The following MUC5B variants were observed in gnomAD, a reference collection of about 807,000 sequenced individuals.
MUC5B encodes the protein mucin-5B.
MUC5B carries 116 observed loss-of-function variants against 376.9 expected under a neutral mutation model. The ratio of observed to expected loss-of-function variants is 0.31; its 90% CI spans 0.26 to 0.36. MUC5B has a LOEUF of 0.36. Ranked by LOEUF, MUC5B falls within the 10% of genes least tolerant of loss-of-function variation. The probability of loss-of-function intolerance (pLI) is 1.00; values close to 1 mark genes in which losing one functional copy is unlikely to be tolerated. For missense variants in MUC5B, 7,165 were observed against 7,769.9 expected (o/e 0.92, Z 2.93); for synonymous variants, 3,517 against 3,390.9 (o/e 1.04, Z -1.29).
In MUC5B at chr11:1,253,145, G is replaced by C; in HGVS notation, c.15217+165G>C. 1.3e-6 allele frequency: 1 copy of C among 773,178 alleles called. No homozygotes were observed. The highest frequency in any genetic ancestry group is 2.1e-6 in the Non-Finnish European group (1 of 472,166). The allele number at this position is 773,178 out of a possible 1,614,324, so 47.9% of individuals were successfully genotyped here. ...GTGCAGTGGGGCATGGTGGGGCATGGTGGGGTGTGGTGGTGGTGTTTGGGA... is the reference window on the plus strand; with the variant it reads ...GTGCAGTGGGGCATGGTGGGGCATGCTGGGGTGTGGTGGTGGTGTTTGGGA... On this transcript the variant is annotated intron_variant, in intron 33 of 48. Transcript: ENST00000529681. This position sits in a 1 kb window ranked among gnomAD's most constrained non-coding sequence, Gnocchi z 4.3.
Position 1,249,761 on chromosome 11 carries a change from C to T in MUC5B, c.12881C>T (p.Ser4294Phe), listed in dbSNP as rs1862615518. 2 of 1,612,964 alleles carry T rather than the reference C, an allele frequency of 1.2e-6. No individual in the cohort carries two copies. The highest frequency in any genetic ancestry group is 8.5e-7 in the Non-Finnish European group (1 of 1,179,492). Residue 4294 changes from serine to phenylalanine, a missense_variant, in exon 31 of 49, where the codon TCC becomes TTC. Physicochemically the swap from Ser to Phe is radical, Grantham distance 155. Coordinates refer to ENST00000529681, the MANE Select transcript of MUC5B (RefSeq NM_002458.3). ...GCCACCACACCCACAGCCACCAGTT[C>T]CAAAGCCACTTCCTCCTCCAGTCCA... ...SPATTPTATS[S>F]KATSSSSPRT...
rs2672787 is a variant in MUC5B at position 1,254,804 on chromosome 11, C to T, written c.15588C>T (p.Ser5196=). The T allele has an allele frequency of 4.2e-5, 67 of 1,612,578 alleles. No homozygotes were observed. Among genetic ancestry groups the T allele is most frequent in the Middle Eastern group, 1.6e-4 (1 of 6,082 alleles). Residue 5196 remains serine, a synonymous_variant, in exon 35 of 49, where the codon AGC becomes AGT. Coordinates refer to ENST00000529681, the MANE Select transcript of MUC5B (RefSeq NM_002458.3). ...MRVDIPALGV[S]VTFNGQVFQA... is the part of the protein sequence containing the mutation. ...TGGACATTCCTGCCCTGGGCGTGAG[C>T]GTCACCTTCAATGGCCAAGTCTTCC...
chr11:1,223,072 C>T lies in MUC5B; in HGVS notation c.-52C>T, dbSNP rs1263090446. The T allele has an allele frequency of 1.5e-6, 1 of 687,600 alleles. No individual in the cohort carries two copies. The highest frequency in any genetic ancestry group is 1.5e-5 in the South Asian group (1 of 65,370). 42.6% of individuals were successfully genotyped at this position (687,600 alleles called of 1,614,324 possible). On this transcript the variant is annotated 5_prime_UTR_variant, in exon 1 of 49. Transcript: ENST00000529681. Reference sequence around the variant, plus strand: ...GGCCCCCAGGGGAGCAAGCACCCGGCCCGGCTCCCTCCCTGCCCGTCCCCG... The same window carrying T: ...GGCCCCCAGGGGAGCAAGCACCCGGTCCGGCTCCCTCCCTGCCCGTCCCCG...
chr11:1,241,091 G>C lies in MUC5B; in HGVS notation c.4211G>C (p.Gly1404Ala), dbSNP rs750080778. The change falls in exon 31 of 49, where the codon GGG (glycine) becomes GCG (alanine). Residue 1404 changes from glycine to alanine, a missense_variant. By Grantham distance (60) the Gly-to-Ala change is moderately conservative (BLOSUM62 0). This residue lies in a region of MUC5B where 517 missense variants were observed against 545.3 expected (regional missense o/e 0.95). Transcript: ENST00000529681. ...CAGGTGGACTGTGACCGCATGCGGG[G>C]GCTGATGTGCGCCAACAGCCAACAG... Reference protein sequence around the residue: ...GQQVDCDRMRGLMCANSQQSP... With the variant: ...GQQVDCDRMRALMCANSQQSP... The C allele has an allele frequency of 2.1e-5, 34 of 1,612,226 alleles. No homozygotes were observed. In the Admixed American group the frequency reaches 5.7e-4, roughly 27 times the overall value.
chr11:1,234,827 A>T lies in MUC5B; in HGVS notation c.2630+147A>T. On this transcript the variant is annotated intron_variant, in intron 21 of 48. Coordinates refer to ENST00000529681, the MANE Select transcript of MUC5B (RefSeq NM_002458.3). This position sits in a 1 kb window ranked among gnomAD's most constrained non-coding sequence, Gnocchi z 6.3. ...GTGAGGTGGGGCCGTGGCAGGAGAG[A>T]GAGTTGCTAGGAAAGCCATGGGCCG... 1 of 1,141,414 alleles carries T rather than the reference A, an allele frequency of 8.8e-7. No homozygotes were observed. The highest frequency in any genetic ancestry group is 1.2e-6 in the Non-Finnish European group (1 of 830,862). 70.7% of individuals were successfully genotyped at this position (1,141,414 alleles called of 1,614,324 possible). A position where few individuals can be genotyped will look rare whatever the true frequency, so the allele number is the denominator to read the frequency against.
rs1043625670 is a variant in MUC5B at position 1,239,246 on chromosome 11, A to C, written c.3455-192A>C. ...CAGCATGAGACAGCTCCTAGGGGAC[A>C]AGAGTTCCAAGGGCAGGGCTGGGGA... is the stretch of plus-strand genomic sequence containing the variant. On this transcript the variant is annotated intron_variant, in intron 26 of 48. Coordinates refer to ENST00000529681, the MANE Select transcript of MUC5B (RefSeq NM_002458.3). The C allele has an allele frequency of 3.3e-5, 30 of 900,294 alleles. No homozygotes were observed. The African/African-American group carries it at 4.3e-4, about 13-fold the overall frequency. The allele number at this position is 900,294 out of a possible 1,614,324, so 55.8% of individuals were successfully genotyped here.
At chr11:1,235,998 G>A (rs1862148326) in intron 23 of MUC5B, among the ~76,000 whole-genome samples, 1 of 152,216 alleles carries the variant, frequency 6.6e-6, no homozygotes, top group African/African-American at 2.4e-5. Flanking sequence ...GAGCTCCCAG[G>A]GGATAAAGCA....
chr11:1,255,164 C>G lies in MUC5B; in HGVS notation c.15788C>G (p.Pro5263Arg). 1 of 1,561,158 alleles carries G rather than the reference C, an allele frequency of 6.4e-7. No homozygotes were observed. Among genetic ancestry groups the G allele is most frequent in the South Asian group, 1.2e-5 (1 of 84,714 alleles). The change falls in exon 36 of 49, where the codon CCG becomes CGG. Residue 5263 changes from proline (P) to arginine (R), a missense_variant. Pro to Arg is a moderately radical substitution (Grantham distance 103). This residue lies in a region of MUC5B where 842 missense variants were observed against 1,016.9 expected (regional missense o/e 0.83). Transcript: ENST00000529681. ...PDSRKDGCWAPTGTPPTASPA... is the reference protein window; with the variant it reads ...PDSRKDGCWARTGTPPTASPA... The stretch of plus-strand genomic sequence containing the variant: ...AGCAGAAAGGATGGCTGCTGGGCCC[C>G]GACTGGCACACCCCCCACTGCCAGC...
At chr11:1,252,076 A>G (rs1023099401) in intron 31 of MUC5B, among the ~76,000 whole-genome samples, 8 of 148,774 alleles carry the variant, frequency 5.4e-5, no homozygotes, top group Admixed American at 2.7e-4. Context: ...ATCCGTCCGC[A>G]CTGGCCACAA....
Position 1,244,008 on chromosome 11 carries a change from C to A in MUC5B, c.7128C>A (p.Val2376=). 1 of 1,605,524 alleles carries A rather than the reference C, an allele frequency of 6.2e-7. No homozygotes were observed. Among genetic ancestry groups the A allele is most frequent in the Non-Finnish European group, 8.5e-7 (1 of 1,175,670 alleles). ...PGVPLRELGQ[V]VECSLDFGLV... is the part of the protein sequence containing the mutation. Reference sequence around the variant, plus strand: ...TCCCCCTGCGGGAGTTGGGCCAGGTCGTGGAATGCAGCCTGGACTTTGGCC... The same window carrying A: ...TCCCCCTGCGGGAGTTGGGCCAGGTAGTGGAATGCAGCCTGGACTTTGGCC... The change falls in exon 31 of 49, where the codon GTC becomes GTA. Residue 2376 remains valine, a synonymous_variant. Transcript: ENST00000529681.
rs760674547 is a variant in MUC5B at position 1,226,689 on chromosome 11, G to A, written c.274G>A (p.Val92Ile). Residue 92 changes from valine (V) to isoleucine (I), a missense_variant, in exon 4 of 49, where the codon GTC (valine) becomes ATC (isoleucine). Coordinates refer to ENST00000529681, the MANE Select transcript of MUC5B (RefSeq NM_002458.3). ...DFHYKTFDGD[V>I]FRFPGLCNYV... ...CCACTACAAGACCTTCGACGGCGACGTCTTCCGCTTCCCTGGCCTTTGCAA... is the reference window on the plus strand; with the variant it reads ...CCACTACAAGACCTTCGACGGCGACATCTTCCGCTTCCCTGGCCTTTGCAA... 9.9e-6 allele frequency: 16 copies of A among 1,612,494 alleles called. No individual in the cohort carries two copies. The highest frequency in any genetic ancestry group is 3.3e-5 in the Admixed American group (2 of 59,968).
At position 1,242,403 on chromosome 11, in the gene MUC5B, C is replaced by A. The variant is rs779161973; in HGVS notation, c.5523C>A (p.Asp1841Glu). 7.4e-6 allele frequency: 12 copies of A among 1,613,876 alleles called. No individual in the cohort carries two copies. In the Admixed American group the frequency reaches 1.3e-4, roughly 18 times the overall value. ...RAENYPEVSIDQVGQVLTCSL... is the reference protein window; with the variant it reads ...RAENYPEVSIEQVGQVLTCSL... ...AGAACTACCCCGAGGTAAGCATCGA[C>A]CAGGTCGGGCAGGTGCTGACCTGCA... The change falls in exon 31 of 49, where the codon GAC (aspartate) becomes GAA (glutamate). Residue 1841 changes from aspartate (D) to glutamate (E), a missense_variant. Around this residue, in one of 31 missense-constraint regions of MUC5B, gnomAD observed 897 missense variants for 779.6 expected, o/e 1.15. Coordinates refer to ENST00000529681, the MANE Select transcript of MUC5B (RefSeq NM_002458.3).
rs1369887443 is a variant in MUC5B, at chr11:1,247,131, A to C, written c.10251A>C (p.Pro3417=). The change falls in exon 31 of 49, where the codon CCA becomes CCC. Residue 3417 remains proline (P), a synonymous_variant. Transcript: ENST00000529681. The part of the protein sequence containing the change: ...SSTPGTTPIP[P]VLTTTATTPA... Reference sequence around the variant, plus strand: ...CTCCAGGGACAACTCCCATCCCCCCAGTGCTGACCACCACCGCCACCACAC... The same window carrying C: ...CTCCAGGGACAACTCCCATCCCCCCCGTGCTGACCACCACCGCCACCACAC... 1.3e-6 allele frequency: 2 copies of C among 1,568,268 alleles called. No homozygotes were observed. Among genetic ancestry groups the C allele is most frequent in the Non-Finnish European group, 1.7e-6 (2 of 1,157,394 alleles).
At position 1,258,245 on chromosome 11, in the gene MUC5B, G is replaced by A. The variant is rs1862896998; in HGVS notation, c.16555+42G>A. On this transcript the variant is annotated intron_variant, in intron 42 of 48. Transcript: ENST00000529681. The surrounding 1 kb of genome is among the most constrained non-coding windows in gnomAD (Gnocchi z 5.5). ...CCGGGCTCCTGGGTGGCCTCTTGCT[G>A]GGGGTGGGGGAGTGCAGGATGGTGG... 10 of 1,574,210 alleles carry A rather than the reference G, an allele frequency of 6.4e-6. No homozygotes were observed. Among genetic ancestry groups the A allele is most frequent in the Non-Finnish European group, 8.6e-6 (10 of 1,159,886 alleles).
intron 1 of MUC5B, among the ~76,000 whole-genome samples, chr11:1,225,073 T>A (rs1861850560): frequency 6.6e-6 from 1 of 152,146 alleles, no homozygotes; most frequent in African/African-American, 2.4e-5. Context: ...CTGGGGGACC[T>A]TGGGCGGCCA....
At position 1,255,465 on chromosome 11, in the gene MUC5B, G is replaced by C. The variant is rs747031459; in HGVS notation, c.15973G>C (p.Glu5325Gln). 63 of 1,593,486 alleles carry C rather than the reference G, an allele frequency of 4.0e-5. No homozygotes were observed. Among genetic ancestry groups the C allele is most frequent in the Non-Finnish European group, 5.0e-5 (59 of 1,171,018 alleles). Residue 5325 changes from glutamate to glutamine, a missense_variant, in exon 37 of 49, where the codon GAG becomes CAG. Physicochemically the swap from Glu to Gln is conservative, Grantham distance 29. Transcript: ENST00000529681. ...CISDHCRGRL[E>Q]VPCQSLEAYA... ...CAGCGACCACTGCAGGGGCCGCCTT[G>C]AGGTGCCCTGCCAGAGCCTGGAGGC...
chr11:1,234,148 A>G lies in MUC5B; in HGVS notation c.2378-57A>G. On this transcript the variant is annotated intron_variant, in intron 19 of 48. Transcript: ENST00000529681. This position sits in a 1 kb window ranked among gnomAD's most constrained non-coding sequence, Gnocchi z 6.3. ...GACAGGCTCAGGGCTGCCTGGGGTC[A>G]GTTGAGGGCCGTGGCTGCCCTTCCC... is the stretch of plus-strand genomic sequence containing the variant. The G allele has an allele frequency of 7.2e-7, 1 of 1,390,570 alleles. No individual in the cohort carries two copies. Among genetic ancestry groups the G allele is most frequent in the Non-Finnish European group, 1.0e-6 (1 of 1,002,182 alleles). 86.1% of individuals were successfully genotyped at this position (1,390,570 alleles called of 1,614,324 possible).
Position 1,254,584 on chromosome 11 carries a change from G to C in MUC5B, c.15478-110G>C, listed in dbSNP as rs575676773. 2.6e-5 allele frequency: 33 copies of C among 1,276,942 alleles called. No homozygotes were observed. The African/African-American group carries it at 4.5e-4, about 17-fold the overall frequency. 79.1% of individuals were successfully genotyped at this position (1,276,942 alleles called of 1,614,324 possible). A position where few individuals can be genotyped will look rare whatever the true frequency, so the allele number is the denominator to read the frequency against. Reference sequence around the variant, plus strand: ...GGAAGATCTGGGCTTTGGGGTGGGGGATACACAGGGGGGTCTCTGCACATG... The same window carrying C: ...GGAAGATCTGGGCTTTGGGGTGGGGCATACACAGGGGGGTCTCTGCACATG... On this transcript the variant is annotated intron_variant, in intron 34 of 48. Coordinates refer to ENST00000529681, the MANE Select transcript of MUC5B (RefSeq NM_002458.3).
intron 14 of MUC5B, 78 bp downstream of exon 14, chr11:1,231,638 C>A: frequency 6.8e-7 from 1 of 1,467,248 alleles, no homozygotes. Flanking sequence ...CAGGGAGGGG[C>A]AGGCAGAGGC....
Sources: gnomAD v4.1 joint callset for allele counts (sites outside exome capture counted in the v4.1 genomes callset) on GRCh38, gnomAD v4.1.1 for gene constraint, gnomAD v4.1.1 regional missense constraint, Gnocchi (gnomAD v3.1) non-coding constraint, MANE v1.5 for transcripts, NCBI Gene and HGNC (gene_info 2026-07-23, HGNC 2026-07-21) for gene names.